Variants in DLG2 observed in about 807,000 individuals in gnomAD.
The protein encoded by DLG2 is disks large homolog 2.
In DLG2, 45 loss-of-function variants were observed where a neutral mutation model predicts 132.5. The ratio of observed to expected loss-of-function variants is 0.34; its 90% CI spans 0.27 to 0.44. The LOEUF (loss-of-function observed/expected upper bound fraction) is 0.44, where lower values mean the gene tolerates loss of function less well. Ranked by LOEUF, DLG2 falls within the 20% of genes least tolerant of loss-of-function variation. The pLI, the probability that DLG2 is intolerant of heterozygous loss-of-function variation, is 1.00. For missense variants in DLG2, 1,045 were observed against 1,196.9 expected (o/e 0.87, Z 1.87); for synonymous variants, 424 against 419.6 (o/e 1.01, Z -0.13).
chr11:85,536,733 C>T (rs544441508), intron 3 of DLG2, among the ~76,000 whole-genome samples: 1 of 152,244 alleles, frequency 6.6e-6, no homozygotes, highest in African/African-American at 2.4e-5. Context: ...CTGATGCCTG[C>T]TGGGCTTGAT....
At chr11:85,574,490 T>G (rs1400251327) in intron 3 of DLG2, among the ~76,000 whole-genome samples, 2 of 151,964 alleles carry the variant, frequency 1.3e-5, no homozygotes, top group African/African-American at 2.4e-5. Flanking sequence ...ACCCAATCCA[T>G]TAGCAAACTC....
At chr11:83,857,060 G>T (rs1255896903) in intron 16 of DLG2, among the ~76,000 whole-genome samples, 1 of 152,146 alleles carries the variant, frequency 6.6e-6, no homozygotes, top group East Asian at 1.9e-4. Flanking sequence ...AGTTCTCCCA[G>T]CACCATTTAT....
intron 8 of DLG2, among the ~76,000 whole-genome samples, chr11:84,245,590 T>G (rs752112480): frequency 6.6e-6 from 1 of 152,164 alleles, no homozygotes; most frequent in Non-Finnish European, 1.5e-5. Flanking sequence ...AAACAAAATT[T>G]CAGCAACAAA....
At chr11:84,124,195 C>T (rs1423189115) in intron 9 of DLG2, among the ~76,000 whole-genome samples, 1 of 152,054 alleles carries the variant, frequency 6.6e-6, no homozygotes, top group Non-Finnish European at 1.5e-5. Context: ...CCACTACCAG[C>T]ACATGTTTTT....
chr11:84,544,904 C>T (rs1565254308), intron 6 of DLG2, among the ~76,000 whole-genome samples: 2 of 152,214 alleles, frequency 1.3e-5, no homozygotes, highest in South Asian at 4.1e-4. Flanking sequence ...TGGTGGAATG[C>T]TCTTCACTTC....
intron 15 of DLG2, among the ~76,000 whole-genome samples, chr11:83,888,984 A>G (rs1366314172): frequency 6.6e-6 from 1 of 152,180 alleles, no homozygotes; most frequent in Non-Finnish European, 1.5e-5. Context: ...TAAATGTTAG[A>G]CCTAAAACCA....
At chr11:84,747,323 C>T (rs2065506210) in intron 6 of DLG2, among the ~76,000 whole-genome samples, 1 of 151,956 alleles carries the variant, frequency 6.6e-6, no homozygotes, top group East Asian at 1.9e-4. Context: ...ATTCACACAA[C>T]CTGTATACAT....
intron 2 of DLG2, among the ~76,000 whole-genome samples, chr11:85,626,375 C>A (rs138728591): frequency 1.4e-4 from 22 of 152,242 alleles, no homozygotes; most frequent in African/African-American, 4.8e-4. Flanking sequence ...ATATAAACAA[C>A]CTGATTTATG....
chr11:85,014,507 T>G (rs1012591870), intron 6 of DLG2, among the ~76,000 whole-genome samples: 5 of 152,152 alleles, frequency 3.3e-5, no homozygotes, highest in African/African-American at 1.2e-4. Flanking sequence ...CTTCAAGCCC[T>G]CTCCTCAGCT....
intron 15 of DLG2, among the ~76,000 whole-genome samples, chr11:83,895,211 G>A (rs569017240): frequency 7.0e-6 from 1 of 143,580 alleles, no homozygotes; most frequent in South Asian, 2.2e-4. Context: ...CCAGGCTGGA[G>A]TGCAATGGCA....
chr11:85,458,463 T>A (rs537704981), intron 3 of DLG2, among the ~76,000 whole-genome samples: 31 of 152,328 alleles, frequency 2.0e-4, no homozygotes, highest in African/African-American at 7.5e-4. Flanking sequence ...TGGTTAAGAA[T>A]ACCTGCTGGG....
intron 8 of DLG2, among the ~76,000 whole-genome samples, chr11:84,175,280 G>A (rs1056271136): frequency 6.6e-6 from 1 of 152,048 alleles, no homozygotes; most frequent in South Asian, 2.1e-4. Context: ...CTGACATACT[G>A]TCCTCTTGCT....
intron 6 of DLG2, among the ~76,000 whole-genome samples, chr11:84,684,039 G>C (rs947965787): frequency 6.6e-6 from 1 of 152,130 alleles, no homozygotes; most frequent in African/African-American, 2.4e-5. Context: ...TAAGCAATTT[G>C]TTTCATGTTG....
At chr11:84,174,982 A>C (rs1009200724) in intron 8 of DLG2, among the ~76,000 whole-genome samples, 5 of 152,136 alleles carry the variant, frequency 3.3e-5, no homozygotes, top group Non-Finnish European at 4.4e-5. Context: ...TAAGTTAAAC[A>C]ATTTTTTCAA....
At chr11:85,179,181 C>A (rs1287468960) in intron 4 of DLG2, among the ~76,000 whole-genome samples, 1 of 151,802 alleles carries the variant, frequency 6.6e-6, no homozygotes, top group Non-Finnish European at 1.5e-5. Context: ...AACATATGCT[C>A]ACAGTGCCAT....
intron 16 of DLG2, among the ~76,000 whole-genome samples, chr11:83,838,227 G>A (rs2056741490): frequency 6.6e-6 from 1 of 152,206 alleles, no homozygotes; most frequent in African/African-American, 2.4e-5. Flanking sequence ...TGGATAGATG[G>A]GTAGGTATGT....
At chr11:84,177,092 G>A (rs2154276306) in intron 8 of DLG2, among the ~76,000 whole-genome samples, 1 of 152,100 alleles carries the variant, frequency 6.6e-6, no homozygotes, top group East Asian at 1.9e-4. Flanking sequence ...AAAGCACCAA[G>A]GATTGAAAGC....
intron 6 of DLG2, among the ~76,000 whole-genome samples, chr11:84,886,451 T>G (rs866619667): frequency 6.6e-6 from 1 of 152,120 alleles, no homozygotes; most frequent in South Asian, 2.1e-4. Context: ...TAAAGGGAGA[T>G]TCCACATCCT....
intron 15 of DLG2, among the ~76,000 whole-genome samples, chr11:83,923,489 C>T (rs2078334009): frequency 6.6e-6 from 1 of 152,128 alleles, no homozygotes; most frequent in Non-Finnish European, 1.5e-5. Context: ...CTTCACCTTG[C>T]CACTACCTCA....
Sources: allele counts gnomAD v4.1 joint callset (sites outside exome capture counted in the v4.1 genomes callset), GRCh38; gene constraint gnomAD v4.1.1; transcripts MANE v1.5; gene names NCBI Gene and HGNC (gene_info 2026-07-23, HGNC 2026-07-21).